The following USH2A variants were observed in gnomAD, a reference collection of about 807,000 sequenced individuals.
USH2A encodes the protein Usher syndrome 2A (autosomal recessive, mild).
Under a neutral mutation model 538.9 loss-of-function variants are expected in USH2A, and 443 were observed. The ratio of observed to expected loss-of-function variants is 0.82; its 90% CI spans 0.76 to 0.89. The LOEUF is 0.89. Among genes scored for constraint, USH2A ranks in the 40% least tolerant of loss-of-function variants. The pLI, the probability that USH2A is intolerant of heterozygous loss-of-function variation, is 0.00. For synonymous variants in USH2A, 2,413 were observed against 2,273.5 expected, an observed-to-expected ratio of 1.06 and a Z score of -1.75; for missense variants, 6,633 against 6,324.8, an observed-to-expected ratio of 1.05 and a Z score of -1.65.
intron 21 of USH2A, chr1:216,174,795 T>C: frequency 1.0e-6 from 1 of 1,000,168 alleles, no homozygotes; most frequent in Non-Finnish European, 1.2e-6. Flanking sequence ...AAACATTACA[T>C]CAAATATCTG....
At chr1:216,184,594 T>A (rs2034560660) in intron 20 of USH2A, among the ~76,000 whole-genome samples, 1 of 151,940 alleles carries the variant, frequency 6.6e-6, no homozygotes. Flanking sequence ...GATTGTATTA[T>A]GAAACAAAAA....
rs749304120 is a variant in USH2A, at chr1:216,323,554, A to G, written c.1470T>C (p.His490=). ...CAGTCTCAGTTGTATAGTACTGCCC[A>G]TGAAAATGAAACCTTATTTGCGTGG... ...VKATQIRFHF[H]GQYYTTETAV... The change falls in exon 8 of 72, where the codon CAT becomes CAC. Residue 490 remains histidine (H), a synonymous_variant. Coordinates refer to ENST00000307340, the MANE Select transcript of USH2A (RefSeq NM_206933.4). 3 of 1,613,578 alleles carry G rather than the reference A, an allele frequency of 1.9e-6. No homozygotes were observed. Among genetic ancestry groups the G allele is most frequent in the South Asian group, 1.1e-5 (1 of 91,074 alleles).
chr1:215,718,822 T>A (rs552545278), intron 61 of USH2A, among the ~76,000 whole-genome samples: 1 of 152,360 alleles, frequency 6.6e-6, no homozygotes, highest in Non-Finnish European at 1.5e-5. Context: ...CTTCTGCCCT[T>A]CACTGCCATT....
At chr1:215,646,595 C>T (rs1656859521) in intron 67 of USH2A, among the ~76,000 whole-genome samples, 1 of 152,032 alleles carries the variant, frequency 6.6e-6, no homozygotes, top group South Asian at 2.1e-4. Context: ...GGCGTGATCT[C>T]GGCTCACTAC....
chr1:215,891,892 C>G (rs947753372), intron 40 of USH2A, among the ~76,000 whole-genome samples: 2 of 152,160 alleles, frequency 1.3e-5, no homozygotes, highest in African/African-American at 4.8e-5. Context: ...AGAGAACTCC[C>G]TCTTGGAGCT....
chr1:216,216,718 A>C (rs981777161), intron 15 of USH2A, among the ~76,000 whole-genome samples: 1 of 152,144 alleles, frequency 6.6e-6, no homozygotes, highest in Admixed American at 6.6e-5. Context: ...TGTGAGGTCA[A>C]TTCAAGGTAC....
chr1:216,046,049 G>GTGTGTGTGTA (rs1485992613), intron 32 of USH2A, among the ~76,000 whole-genome samples: 1 of 144,112 alleles, frequency 6.9e-6, no homozygotes, highest in Non-Finnish European at 1.5e-5. Flanking sequence ...GTGTGTGTGT[G>GTGTGTGTGTA]TGCAGTCACT....
chr1:215,974,326 G>A (rs1360562846), intron 35 of USH2A, among the ~76,000 whole-genome samples: 1 of 152,068 alleles, frequency 6.6e-6, no homozygotes, highest in Non-Finnish European at 1.5e-5. Context: ...CTAGAACACA[G>A]GACATGTATC....
At chr1:215,652,473 T>A (rs1318373537) in intron 64 of USH2A, among the ~76,000 whole-genome samples, 1 of 152,194 alleles carries the variant, frequency 6.6e-6, no homozygotes, top group Non-Finnish European at 1.5e-5. Context: ...TTTGTTTTGG[T>A]AAGCACAGGG....
Position 216,077,034 on chromosome 1 carries a change from T to C in USH2A, c.5572+1055A>G, listed in dbSNP as rs78767582. Among the ~76,000 whole-genome samples the C allele has an allele frequency of 9.5e-3, 1,449 of 152,222 alleles. 16 individuals carry two copies. Among genetic ancestry groups the C allele is most frequent in the African/African-American group, 0.033 (1,353 of 41,528 alleles). ...AGAGACTTAGTGTCTTGCTATCTGC[T>C]TACTAGCCATGTGACCTTGGGAAAG... On this transcript the variant is annotated intron_variant, in intron 27 of 71. Transcript: ENST00000307340.
At chr1:216,334,052 A>C (rs2102668762) in intron 4 of USH2A, among the ~76,000 whole-genome samples, 1 of 152,200 alleles carries the variant, frequency 6.6e-6, no homozygotes, top group Admixed American at 6.6e-5. Flanking sequence ...TTAAATAGGT[A>C]AATATTTAAA....
intron 71 of USH2A, 31 bp from the exon 72 acceptor site, chr1:215,625,901 A>C (rs752260610): frequency 1.6e-5 from 25 of 1,568,198 alleles, no homozygotes; most frequent in Non-Finnish European, 2.0e-5. Context: ...CATTGGCTAC[A>C]TACTTGCTAT....
chr1:216,247,376 C>G, intron 12 of USH2A, 150 bp from the exon 13 acceptor site: 1 of 907,868 alleles, frequency 1.1e-6, no homozygotes, highest in South Asian at 1.7e-5. Context: ...ATCTTACTCT[C>G]AAAATTCAAT....
At chr1:216,273,991 C>T (rs1053908717) in intron 11 of USH2A, among the ~76,000 whole-genome samples, 6 of 151,988 alleles carry the variant, frequency 3.9e-5, no homozygotes, top group East Asian at 1.9e-4. Flanking sequence ...ATATACCAGA[C>T]CTAAAGAATT....
chr1:215,722,209 C>A (rs1334659885), intron 61 of USH2A, among the ~76,000 whole-genome samples: 1 of 152,144 alleles, frequency 6.6e-6, no homozygotes, highest in East Asian at 1.9e-4. Flanking sequence ...GTTTATAGAA[C>A]CGACCCAGGA....
At chr1:216,088,759 C>T (rs922440119) in intron 23 of USH2A, among the ~76,000 whole-genome samples, 4 of 152,094 alleles carry the variant, frequency 2.6e-5, no homozygotes, top group East Asian at 1.9e-4. Context: ...AAGGTCCACA[C>T]GAATTGTAAA....
At chr1:215,994,824 C>T (rs1668095458) in intron 34 of USH2A, among the ~76,000 whole-genome samples, 2 of 151,908 alleles carry the variant, frequency 1.3e-5, no homozygotes. Flanking sequence ...AGTTGAAGAC[C>T]CCAGACATTT....
At chr1:215,794,124 A>G (rs909750445) in intron 50 of USH2A, among the ~76,000 whole-genome samples, 1 of 152,232 alleles carries the variant, frequency 6.6e-6, no homozygotes, top group Non-Finnish European at 1.5e-5. Context: ...TACACAACGC[A>G]TCTGCCCAGA....
intron 21 of USH2A, among the ~76,000 whole-genome samples, chr1:216,113,162 CAAGA>C (rs2032918782): frequency 7.5e-6 from 1 of 132,484 alleles, no homozygotes; most frequent in Non-Finnish European, 1.6e-5. Flanking sequence ...AAAAACAAAA[CAAGA>C]AAGTAATATC....
Sources: gnomAD v4.1 joint callset for allele counts (sites outside exome capture counted in the v4.1 genomes callset) on GRCh38, gnomAD v4.1.1 for gene constraint, MANE v1.5 for transcripts, NCBI Gene and HGNC (gene_info 2026-07-23, HGNC 2026-07-21) for gene names.